Variants in PBXIP1 observed in about 807,000 individuals in gnomAD.
The protein encoded by PBXIP1 is pre-B-cell leukemia transcription factor-interacting protein 1.
PBXIP1 carries 73 observed loss-of-function variants against 73.7 expected under a neutral mutation model. The ratio of observed to expected loss-of-function variants is 0.99; its 90% CI spans 0.82 to 1.20. PBXIP1 has a LOEUF of 1.20. Ranked by LOEUF, PBXIP1 falls within the 50% of genes most tolerant of loss-of-function variation. The pLI is 0.00. For missense variants in PBXIP1, 818 were observed against 911.4 expected (o/e 0.90, Z 1.32); for synonymous variants, 330 against 366.9 (o/e 0.90, Z 1.15).
chr1:154,951,928 G>A lies in PBXIP1; in HGVS notation c.52-7C>T, dbSNP rs1258526060. The A allele has an allele frequency of 1.2e-5, 20 of 1,601,770 alleles. No homozygotes were observed. Among genetic ancestry groups the A allele is most frequent in the South Asian group, 2.2e-5 (2 of 90,022 alleles). On this transcript the variant is annotated splice_region_variant and splice_polypyrimidine_tract_variant and intron_variant, in intron 2 of 10. Transcript: ENST00000368463. This position sits in a 1 kb window ranked among gnomAD's most constrained non-coding sequence, Gnocchi z 4.3. ...GTGTCTCCACTGGCAGGCTCTGGGA[G>A]GAGAAGTGCAAGGAGAAGGGCTGCA...
At position 154,944,527 on chromosome 1, in the gene PBXIP1, A is replaced by G. The variant is rs202229966; in HGVS notation, c.*497T>C. 999 of 148,600 alleles carry G rather than the reference A, an allele frequency of 6.7e-3. 8 individuals carry two copies. The highest frequency in any genetic ancestry group is 0.021 in the African/African-American group (836 of 39,710). 9.2% of individuals were successfully genotyped at this position (148,600 alleles called of 1,614,324 possible). On this transcript the variant is annotated 3_prime_UTR_variant, in exon 11 of 11. Coordinates refer to ENST00000368463, the MANE Select transcript of PBXIP1 (RefSeq NM_020524.4). ...GGGAGAAGCAGGGGTAAAAAAAAAA[A>G]GGGGGGGGACTTCACCCCCTAGGGA...
Position 154,947,400 on chromosome 1 carries a change from C to T in PBXIP1, c.870+17G>A, listed in dbSNP as rs1654861967. 3.1e-6 allele frequency: 5 copies of T among 1,613,922 alleles called. No homozygotes were observed. The highest frequency in any genetic ancestry group is 1.7e-5 in the Admixed American group (1 of 60,008). On this transcript the variant is annotated intron_variant, in intron 9 of 10. Transcript: ENST00000368463. ...TAGGTGGGTTACCCTAGCCCAGCCC[C>T]TCCTGCCTGTGCCCACCTGCAGCTG...
At chr1:154,955,526 T>C (rs1655149260) in intron 1 of PBXIP1, among the ~76,000 whole-genome samples, 1 of 152,198 alleles carries the variant, frequency 6.6e-6, no homozygotes, top group Non-Finnish European at 1.5e-5. Flanking sequence ...CTTTCTTGGT[T>C]AGGTTAACCC....
intron 2 of PBXIP1, among the ~76,000 whole-genome samples, chr1:154,953,375 T>G (rs1283407651): frequency 6.6e-6 from 1 of 151,938 alleles, no homozygotes; most frequent in Non-Finnish European, 1.5e-5. Flanking sequence ...CAGCATGGCG[T>G]TCCCCACTAT....
chr1:154,951,422 G>A lies in PBXIP1; in HGVS notation c.244-25C>T. On this transcript the variant is annotated intron_variant, in intron 4 of 10. Transcript: ENST00000368463. This position sits in a 1 kb window ranked among gnomAD's most constrained non-coding sequence, Gnocchi z 4.3. ...CCTAATGCAGATGCAGCAGTGAGCAGCTGCTAGCCCTCCCCGCCTCCCTTC... is the reference window on the plus strand; with the variant it reads ...CCTAATGCAGATGCAGCAGTGAGCAACTGCTAGCCCTCCCCGCCTCCCTTC... 1 of 1,613,882 alleles carries A rather than the reference G, an allele frequency of 6.2e-7. No individual in the cohort carries two copies. Among genetic ancestry groups the A allele is most frequent in the South Asian group, 1.1e-5 (1 of 91,076 alleles).
In PBXIP1 at chr1:154,953,666, C is replaced by A. The variant is rs746041482; in HGVS notation, c.51+5G>T. ...CCCCATGGTTCCCAGGCCCGCTCTT[C>A]CTACCTCGGAGCCAGCAAGCACCCA... On this transcript the variant is annotated splice_donor_5th_base_variant and intron_variant, in intron 2 of 10. Transcript: ENST00000368463. The A allele has an allele frequency of 4.4e-6, 7 of 1,606,992 alleles. No individual in the cohort carries two copies. The highest frequency in any genetic ancestry group is 1.7e-4 in the Middle Eastern group (1 of 6,054).
intron 5 of PBXIP1, among the ~76,000 whole-genome samples, chr1:154,949,393 G>A (rs1000185059): frequency 7.9e-5 from 12 of 151,882 alleles, no homozygotes; most frequent in African/African-American, 2.7e-4. Context: ...TTCCCAGGCT[G>A]GTCTCAAACT....
Position 154,945,586 on chromosome 1 carries a change from T to G in PBXIP1, c.2088A>C (p.Lys696Asn). The G allele has an allele frequency of 6.2e-7, 1 of 1,613,138 alleles. No homozygotes were observed. Among genetic ancestry groups the G allele is most frequent in the East Asian group, 2.2e-5 (1 of 44,870 alleles). Reference sequence around the variant, plus strand: ...CAGCTGCCCACCTCTTCTTCAGTGCTTTGTCTCCAAAGAAGTGGCTGAAGA... The same window carrying G: ...CAGCTGCCCACCTCTTCTTCAGTGCGTTGTCTCCAAAGAAGTGGCTGAAGA... Reference protein sequence around the residue: ...DFIFSHFFGDKALKKRSGKKD... With the variant: ...DFIFSHFFGDNALKKRSGKKD... Residue 696 changes from lysine to asparagine, a missense_variant, in exon 10 of 11, where the codon AAA (lysine) becomes AAC (asparagine). Lys to Asn is a moderately conservative substitution (Grantham distance 94, BLOSUM62 0). Transcript: ENST00000368463.
At chr1:154,953,987 G>C (rs1166220551) in intron 1 of PBXIP1, among the ~76,000 whole-genome samples, 1 of 152,124 alleles carries the variant, frequency 6.6e-6, no homozygotes, top group Non-Finnish European at 1.5e-5. Flanking sequence ...GGGACCAACA[G>C]GGCCTTGGAA....
rs1192938575 is a variant in PBXIP1 at position 154,946,088 on chromosome 1, C to T, written c.1586G>A (p.Ser529Asn). The T allele has an allele frequency of 6.2e-7, 1 of 1,614,188 alleles. No individual in the cohort carries two copies. The highest frequency in any genetic ancestry group is 1.3e-5 in the African/African-American group (1 of 75,054). ...EGRPRVEESG[S>N]KKEGKRQGPK... ...GCCCTGTCGCTTGCCCTCCTTCTTG[C>T]TCCCCGACTCCTCCACCCTTGGCCT... Residue 529 changes from serine to asparagine, a missense_variant, in exon 10 of 11, where the codon AGC becomes AAC. Physicochemically the swap from Ser to Asn is conservative, Grantham distance 46. Transcript: ENST00000368463.
Position 154,946,074 on chromosome 1 carries a change from T to C in PBXIP1, c.1600A>G (p.Lys534Glu). 1 of 1,614,128 alleles carries C rather than the reference T, an allele frequency of 6.2e-7. No homozygotes were observed. Among genetic ancestry groups the C allele is most frequent in the Middle Eastern group, 1.6e-4 (1 of 6,062 alleles). ...GGGGGTTCCTTCGGGCCCTGTCGCT[T>C]GCCCTCCTTCTTGCTCCCCGACTCC... ...VEESGSKKEG[K>E]RQGPKEPPRK... The change falls in exon 10 of 11, where the codon AAG becomes GAG. Residue 534 changes from lysine (K) to glutamate (E), a missense_variant. By Grantham distance (56) the Lys-to-Glu change is moderately conservative. Transcript: ENST00000368463.
chr1:154,946,325 G>A lies in PBXIP1; in HGVS notation c.1349C>T (p.Pro450Leu), dbSNP rs779391134. 3.7e-6 allele frequency: 6 copies of A among 1,614,148 alleles called. No homozygotes were observed. Among genetic ancestry groups the A allele is most frequent in the Non-Finnish European group, 5.1e-6 (6 of 1,180,036 alleles). Residue 450 changes from proline (P) to leucine (L), a missense_variant, in exon 10 of 11, where the codon CCT becomes CTT. By Grantham distance (98) the Pro-to-Leu change is moderately conservative. Transcript: ENST00000368463. ...LQGLENWGQD[P>L]GVSANASKAW... ...CTTTGAGGCATTGGCAGAGACCCCA[G>A]GGTCCTGGCCCCAGTTCTCCAGGCC...
chr1:154,952,892 C>G (rs1215202719), intron 2 of PBXIP1, among the ~76,000 whole-genome samples: 1 of 152,176 alleles, frequency 6.6e-6, no homozygotes, highest in East Asian at 1.9e-4. Context: ...CTGGGTTCCT[C>G]AAGGGCACCT....
chr1:154,949,334 T>TTG (rs927011480), intron 5 of PBXIP1, among the ~76,000 whole-genome samples: 109 of 150,950 alleles, frequency 7.2e-4, no homozygotes, highest in South Asian at 1.7e-3. Context: ...CCCGGCTAAT[T>TTG]TGTGTGTGTG....
rs1255306491 is a variant in PBXIP1, at chr1:154,947,728, AC to A, written c.668-17del. ...TCCATGGGCCCTGTGGGAAAGGGAA[AC>A]CCTGAAACTGGTCCTGAGGCACACA... On this transcript the variant is annotated splice_polypyrimidine_tract_variant and intron_variant, in intron 7 of 10. Transcript: ENST00000368463. The A allele has an allele frequency of 6.2e-7, 1 of 1,611,008 alleles. No individual in the cohort carries two copies. The highest frequency in any genetic ancestry group is 2.2e-5 in the East Asian group (1 of 44,860).
chr1:154,946,926 G>T (rs922271956), intron 9 of PBXIP1, 123 bp from the exon 10 acceptor site: 44 of 897,380 alleles, frequency 4.9e-5, no homozygotes, highest in Non-Finnish European at 6.0e-5. Context: ...TTACAGCCTG[G>T]AACACCCAGA....
Position 154,949,284 on chromosome 1 carries a change from G to C in PBXIP1, c.410-918C>G, listed in dbSNP as rs140597352. Among the ~76,000 whole-genome samples the C allele has an allele frequency of 1.1e-4, 16 of 152,038 alleles. No individual in the cohort carries two copies. The East Asian group carries it at 3.1e-3, about 29-fold the overall frequency. ...AGGCTCAAGCGATCCTCCCACCTCA[G>C]CCTCCTGAGTAGCTGAGACTATAGG... On this transcript the variant is annotated intron_variant, in intron 5 of 10. Coordinates refer to ENST00000368463, the MANE Select transcript of PBXIP1 (RefSeq NM_020524.4).
In PBXIP1 at chr1:154,952,081, T is replaced by C. The variant is rs190977387; in HGVS notation, c.52-160A>G. On this transcript the variant is annotated intron_variant, in intron 2 of 10. Coordinates refer to ENST00000368463, the MANE Select transcript of PBXIP1 (RefSeq NM_020524.4). Reference sequence around the variant, plus strand: ...AGCCTCACTCACTGCGAGGAGGAACTTTCAGGGGCCAGGTTTCCGCTACAC... The same window carrying C: ...AGCCTCACTCACTGCGAGGAGGAACCTTCAGGGGCCAGGTTTCCGCTACAC... Among the ~76,000 whole-genome samples the C allele has an allele frequency of 3.3e-5, 5 of 152,254 alleles. No homozygotes were observed. The East Asian group carries it at 9.7e-4, about 29-fold the overall frequency.
intron 5 of PBXIP1, among the ~76,000 whole-genome samples, chr1:154,948,711 C>G (rs1299020682): frequency 6.6e-6 from 1 of 152,182 alleles, no homozygotes; most frequent in African/African-American, 2.4e-5. Flanking sequence ...TTCCCATTCT[C>G]CCTCCCTGGC....
Sources: allele counts gnomAD v4.1 joint callset (sites outside exome capture counted in the v4.1 genomes callset), GRCh38; gene constraint gnomAD v4.1.1; non-coding constraint Gnocchi (gnomAD v3.1); transcripts MANE v1.5; gene names NCBI Gene and HGNC (gene_info 2026-07-23, HGNC 2026-07-21).